The following CSMD1 variants were observed in gnomAD, a reference collection of about 807,000 sequenced individuals.
The protein encoded by CSMD1 is CUB and Sushi multiple domains 1, also known as CUB and sushi domain-containing protein 1.
CSMD1 carries 213 observed loss-of-function variants against 417.5 expected under a neutral mutation model. The observed-to-expected ratio is 0.51, with a 90% CI of 0.46 to 0.57. The LOEUF (loss-of-function observed/expected upper bound fraction) is 0.57. Ranked by LOEUF, CSMD1 falls within the 20% of genes least tolerant of loss-of-function variation. CSMD1 has a pLI of 0.00. For synonymous variants in CSMD1, 2,862 were observed against 1,736.8 expected (o/e 1.65, Z -16.11); for missense variants, 6,923 against 4,529.7 (o/e 1.53, Z -15.17).
At chr8:3,458,672 A>G (rs1816306394) in intron 12 of CSMD1, among the ~76,000 whole-genome samples, 1 of 152,268 alleles carries the variant, frequency 6.6e-6, no homozygotes, top group African/African-American at 2.4e-5. Context: ...AATAGCAACA[A>G]TGAACACATA....
intron 5 of CSMD1, among the ~76,000 whole-genome samples, chr8:3,863,039 G>T (rs1253969183): frequency 6.6e-6 from 1 of 152,128 alleles, no homozygotes; most frequent in African/African-American, 2.4e-5. Context: ...CTGCCTCAAA[G>T]ACGGCACCTC....
At chr8:4,163,715 T>C (rs537592201) in intron 3 of CSMD1, among the ~76,000 whole-genome samples, 34 of 152,202 alleles carry the variant, frequency 2.2e-4, no homozygotes, top group Non-Finnish European at 3.7e-4. Flanking sequence ...TTATGGTGGA[T>C]GTGATGATCT....
intron 10 of CSMD1, among the ~76,000 whole-genome samples, chr8:3,549,709 G>A (rs1326648483): frequency 6.6e-6 from 1 of 152,060 alleles, no homozygotes; most frequent in East Asian, 1.9e-4. Flanking sequence ...GCTGCCTTGG[G>A]CCTCTACAGA....
intron 7 of CSMD1, among the ~76,000 whole-genome samples, chr8:3,705,465 C>T (rs1413551697): frequency 6.6e-6 from 1 of 152,180 alleles, no homozygotes; most frequent in Non-Finnish European, 1.5e-5. Context: ...CGGGGACAGC[C>T]TCACACTCTA....
At chr8:4,164,599 T>C (rs1364881199) in intron 3 of CSMD1, among the ~76,000 whole-genome samples, 2 of 152,166 alleles carry the variant, frequency 1.3e-5, no homozygotes, top group Admixed American at 6.5e-5. Flanking sequence ...TAGTAGTAAT[T>C]TATTTAGGTA....
intron 2 of CSMD1, among the ~76,000 whole-genome samples, chr8:4,443,643 G>A (rs138829680): frequency 7.2e-5 from 11 of 152,276 alleles, no homozygotes; most frequent in Non-Finnish European, 1.6e-4. Context: ...CAGCCATGCC[G>A]TTGACGTGCA....
At chr8:4,295,542 T>C (rs1797629417) in intron 3 of CSMD1, among the ~76,000 whole-genome samples, 1 of 144,776 alleles carries the variant, frequency 6.9e-6, no homozygotes, top group Non-Finnish European at 1.5e-5. Flanking sequence ...ATATTATAAA[T>C]ATATAATCTT....
chr8:3,550,300 A>G (rs1242114870), intron 10 of CSMD1, among the ~76,000 whole-genome samples: 2 of 152,034 alleles, frequency 1.3e-5, no homozygotes, highest in Non-Finnish European at 2.9e-5. Flanking sequence ...TTCTCCAATA[A>G]TTCCCACCTT....
intron 3 of CSMD1, among the ~76,000 whole-genome samples, chr8:4,205,199 C>T (rs1017557190): frequency 6.6e-6 from 1 of 152,216 alleles, no homozygotes; most frequent in African/African-American, 2.4e-5. Context: ...TAAATAATAG[C>T]ATTGCACATT....
chr8:3,834,278 T>C (rs1271514617), intron 5 of CSMD1, among the ~76,000 whole-genome samples: 1 of 152,180 alleles, frequency 6.6e-6, no homozygotes, highest in Non-Finnish European at 1.5e-5. Flanking sequence ...CTAGGGCTCT[T>C]CCAACTGACA....
chr8:4,897,187 G>A (rs1372803749), intron 1 of CSMD1, among the ~76,000 whole-genome samples: 1 of 152,076 alleles, frequency 6.6e-6, no homozygotes, highest in Non-Finnish European at 1.5e-5. Context: ...GCTGTGCAAT[G>A]TCAGGGGAGG....
At chr8:3,122,718 G>C (rs1033114107) in intron 41 of CSMD1, among the ~76,000 whole-genome samples, 1 of 152,040 alleles carries the variant, frequency 6.6e-6, no homozygotes, top group Admixed American at 6.5e-5. Context: ...TGTAAGAAGT[G>C]CCTTTCACCT....
In CSMD1 at chr8:3,205,598, C is replaced by G. The variant is rs778433649; in HGVS notation, c.4890G>C (p.Thr1630=). ...GTGATAAAACTACCCCTTCTGATCC[C>G]GTGTACTGGCCTCCACAGGGAGCTG... ...SCNAPCGGQY[T]GSEGVVLSPN... is the part of the protein sequence containing the mutation. Residue 1630 remains threonine, a synonymous_variant, in exon 31 of 70, where the codon ACG becomes ACC. Transcript: ENST00000635120. 12 of 1,578,294 alleles carry G rather than the reference C, an allele frequency of 7.6e-6. No homozygotes were observed. The highest frequency in any genetic ancestry group is 3.6e-5 in the Admixed American group (2 of 56,086).
Position 3,669,360 on chromosome 8 carries a change from G to A in CSMD1, c.1009+39054C>T, listed in dbSNP as rs1798865595. On this transcript the variant is annotated intron_variant, in intron 7 of 69. Transcript: ENST00000635120. ...GGCCCATGCTTCAGAGCCTGCCTTG[G>A]GCGGGAGGGTCCAAGGCCTTGAGCT... is the stretch of plus-strand genomic sequence containing the variant. Among the ~76,000 whole-genome samples, 3 of 152,238 alleles carry A rather than the reference G, an allele frequency of 2.0e-5. No homozygotes were observed. In the South Asian group the frequency reaches 6.2e-4, roughly 32 times the overall value.
intron 9 of CSMD1, among the ~76,000 whole-genome samples, chr8:3,582,407 C>T (rs893994864): frequency 2.0e-5 from 3 of 152,110 alleles, no homozygotes; most frequent in African/African-American, 7.2e-5. Context: ...AAGTTGCCAA[C>T]CTGAGGAACT....
At chr8:3,168,171 G>A (rs917675088) in intron 37 of CSMD1, among the ~76,000 whole-genome samples, 13 of 152,256 alleles carry the variant, frequency 8.5e-5, no homozygotes, top group African/African-American at 1.7e-4. Flanking sequence ...ATGAAACAGG[G>A]TCAAGAAATC....
At chr8:4,164,374 G>T (rs940489205) in intron 3 of CSMD1, among the ~76,000 whole-genome samples, 6 of 152,036 alleles carry the variant, frequency 3.9e-5, no homozygotes, top group African/African-American at 1.4e-4. Flanking sequence ...GTACTTGTTG[G>T]ACAGAGAACA....
chr8:3,991,164 G>A (rs1014353252), intron 5 of CSMD1, among the ~76,000 whole-genome samples: 1 of 152,180 alleles, frequency 6.6e-6, no homozygotes, highest in East Asian at 1.9e-4. Flanking sequence ...TGTGGAGAGG[G>A]TGCCTAATCC....
chr8:4,232,630 A>G (rs186173200), intron 3 of CSMD1, among the ~76,000 whole-genome samples: 2 of 152,290 alleles, frequency 1.3e-5, no homozygotes, highest in Admixed American at 1.3e-4. Flanking sequence ...AATTAGATGA[A>G]GGGTATTTCA....
Sources: gnomAD v4.1 joint callset for allele counts (sites outside exome capture counted in the v4.1 genomes callset) on GRCh38, gnomAD v4.1.1 for gene constraint, MANE v1.5 for transcripts, NCBI Gene and HGNC (gene_info 2026-07-23, HGNC 2026-07-21) for gene names.